PTPRD: variants seen among roughly 807,000 people sequenced by gnomAD.
PTPRD encodes receptor-type tyrosine-protein phosphatase delta.
In PTPRD, 34 loss-of-function variants were observed where a neutral mutation model predicts 214.5. The ratio of observed to expected loss-of-function variants is 0.16; its 90% CI spans 0.12 to 0.21. The LOEUF (loss-of-function observed/expected upper bound fraction) is 0.21, where lower values mean the gene tolerates loss of function less well. PTPRD is among the 10% of genes least tolerant of loss of function. The pLI is 1.00. For synonymous variants in PTPRD, 1,128 were observed against 845.7 expected (o/e 1.33, Z -5.79); for missense variants, 2,545 against 2,398.7 (o/e 1.06, Z -1.27).
At chr9:8,929,867 A>ATGTG (rs71317382) in intron 11 of PTPRD, among the ~76,000 whole-genome samples, 1 of 78,592 alleles carries the variant, frequency 1.3e-5, no homozygotes, top group African/African-American at 4.4e-5. Flanking sequence ...GTGTATATAC[A>ATGTG]TGTGTGTGTA....
intron 14 of PTPRD, among the ~76,000 whole-genome samples, chr9:8,585,054 A>T (rs2093524716): frequency 6.6e-6 from 1 of 152,186 alleles, no homozygotes; most frequent in South Asian, 2.1e-4. Context: ...GGGAACTACA[A>T]TTCAAGATGA....
At chr9:10,060,236 G>A (rs533649531) in intron 3 of PTPRD, among the ~76,000 whole-genome samples, 2 of 152,094 alleles carry the variant, frequency 1.3e-5, no homozygotes, top group Admixed American at 6.6e-5. Context: ...GCGTTATAAC[G>A]TTAAATTGAA....
intron 10 of PTPRD, among the ~76,000 whole-genome samples, chr9:9,141,426 C>T (rs1454703945): frequency 6.6e-6 from 1 of 151,970 alleles, no homozygotes; most frequent in Non-Finnish European, 1.5e-5. Flanking sequence ...CCTACCTTGA[C>T]CACTTTAGAA....
At chr9:9,617,606 T>A (rs1352866390) in intron 7 of PTPRD, among the ~76,000 whole-genome samples, 1 of 151,988 alleles carries the variant, frequency 6.6e-6, no homozygotes, top group East Asian at 1.9e-4. Context: ...CAAAGGTAAA[T>A]GTGCATGAAA....
chr9:8,713,291 G>A (rs1357227451), intron 12 of PTPRD: 1 of 702,056 alleles, frequency 1.4e-6, no homozygotes, highest in Admixed American at 2.3e-5. Context: ...GCGGGTGGCG[G>A]CGAGCGCGGA....
chr9:8,425,167 T>C (rs1699966655), intron 35 of PTPRD, among the ~76,000 whole-genome samples: 1 of 152,206 alleles, frequency 6.6e-6, no homozygotes, highest in South Asian at 2.1e-4. Context: ...AAGTCATCCC[T>C]ATGATGCTGG....
At chr9:10,340,515 A>T (rs940043670) in intron 3 of PTPRD, among the ~76,000 whole-genome samples, 1 of 151,932 alleles carries the variant, frequency 6.6e-6, no homozygotes, top group Admixed American at 6.6e-5. Flanking sequence ...AAAGGTGAAC[A>T]TCTTCAAAGT....
chr9:9,837,539 T>A (rs540991046), intron 5 of PTPRD, among the ~76,000 whole-genome samples: 1 of 152,072 alleles, frequency 6.6e-6, no homozygotes, highest in African/African-American at 2.4e-5. Context: ...AGGGGTATGT[T>A]TTAGGTTTAA....
intron 11 of PTPRD, among the ~76,000 whole-genome samples, chr9:8,908,463 C>T (rs1288177989): frequency 6.6e-6 from 1 of 151,926 alleles, no homozygotes; most frequent in Admixed American, 6.6e-5. Flanking sequence ...CCCAAATATA[C>T]AGAAATTAAA....
At chr9:8,421,666 T>C (rs995323001) in intron 35 of PTPRD, among the ~76,000 whole-genome samples, 19 of 152,228 alleles carry the variant, frequency 1.2e-4, no homozygotes, top group African/African-American at 4.3e-4. Flanking sequence ...AAATTGACAA[T>C]GGCATTTTCA....
intron 14 of PTPRD, 75 bp downstream of exon 14, chr9:8,633,242 C>G (rs2154319844): frequency 5.2e-6 from 8 of 1,535,376 alleles, no homozygotes; most frequent in East Asian, 2.3e-5. Context: ...CAATGCTAGT[C>G]TTTTCAATGA....
At chr9:9,764,791 G>T (rs2098692812) in intron 6 of PTPRD, among the ~76,000 whole-genome samples, 1 of 152,038 alleles carries the variant, frequency 6.6e-6, no homozygotes, top group Non-Finnish European at 1.5e-5. Context: ...AACCCAGGAA[G>T]GTCCAATTTC....
At position 8,857,091 on chromosome 9, in the gene PTPRD, T is replaced by G. The variant is rs142714653; in HGVS notation, c.-103-123145A>C. Among the ~76,000 whole-genome samples the G allele has an allele frequency of 2.6e-5, 4 of 152,338 alleles. No individual in the cohort carries two copies. The East Asian group carries it at 7.7e-4, about 29-fold the overall frequency. Reference sequence around the variant, plus strand: ...GCAGCTGAACTACGAGCTTTGATTCTGCCACGGGAAGGTCTCCCAAACAAT... The same window carrying G: ...GCAGCTGAACTACGAGCTTTGATTCGGCCACGGGAAGGTCTCCCAAACAAT... On this transcript the variant is annotated intron_variant, in intron 11 of 45. Transcript: ENST00000381196.
intron 37 of PTPRD, among the ~76,000 whole-genome samples, chr9:8,384,199 C>A (rs866766716): frequency 1.3e-5 from 2 of 152,118 alleles, no homozygotes; most frequent in African/African-American, 4.8e-5. Flanking sequence ...CAGCTGTATA[C>A]ATTTTACTTT....
intron 9 of PTPRD, among the ~76,000 whole-genome samples, chr9:9,369,166 G>A (rs966232479): frequency 6.6e-6 from 1 of 151,870 alleles, no homozygotes; most frequent in African/African-American, 2.4e-5. Context: ...TATCATTGTT[G>A]GACATTTGAG....
At chr9:9,622,318 C>A (rs1041413956) in intron 7 of PTPRD, among the ~76,000 whole-genome samples, 2 of 152,162 alleles carry the variant, frequency 1.3e-5, no homozygotes, top group Non-Finnish European at 2.9e-5. Flanking sequence ...ACCACGCAAT[C>A]AAGTAGTAAT....
At chr9:9,043,675 A>C (rs1440797377) in intron 10 of PTPRD, among the ~76,000 whole-genome samples, 1 of 152,100 alleles carries the variant, frequency 6.6e-6, no homozygotes, top group Non-Finnish European at 1.5e-5. Context: ...AGGCCAAGGC[A>C]GGCGGATCAC....
chr9:8,321,483 GTGTGTATATATATATATATATATA>G (rs1827711332), intron 44 of PTPRD, among the ~76,000 whole-genome samples: 1 of 48,788 alleles, frequency 2.0e-5, no homozygotes, highest in Non-Finnish European at 3.5e-5. Flanking sequence ...GTGTGTGTGT[GTGTGTATATATATATATATATATA>G]TATATATATA....
chr9:9,415,634 C>T (rs1338338077), intron 8 of PTPRD, among the ~76,000 whole-genome samples: 1 of 152,050 alleles, frequency 6.6e-6, no homozygotes, highest in African/African-American at 2.4e-5. Context: ...AATACCTAAC[C>T]TGTACAAAAA....
Sources: gnomAD v4.1 joint callset for allele counts (sites outside exome capture counted in the v4.1 genomes callset) on GRCh38, gnomAD v4.1.1 for gene constraint, MANE v1.5 for transcripts, NCBI Gene and HGNC (gene_info 2026-07-23, HGNC 2026-07-21) for gene names.